Variants in DNAH11 observed in about 807,000 individuals in gnomAD.
DNAH11 encodes dynein axonemal heavy chain 11.
In DNAH11, 442 loss-of-function variants were observed where a neutral mutation model predicts 526.0. That is an observed-to-expected ratio of 0.84 (90% CI 0.78 to 0.91). DNAH11 has a LOEUF of 0.91. Among genes scored for constraint, DNAH11 ranks in the 40% least tolerant of loss-of-function variants. The pLI is 0.00. For synonymous variants in DNAH11, 2,461 were observed against 1,935.9 expected (o/e 1.27, Z -7.12); for missense variants, 6,989 against 5,448.7 (o/e 1.28, Z -8.90).
At chr7:21,661,236 A>G (rs888356136) in intron 30 of DNAH11, among the ~76,000 whole-genome samples, 2 of 152,030 alleles carry the variant, frequency 1.3e-5, no homozygotes, top group Non-Finnish European at 2.9e-5. Context: ...TCTTAATTAG[A>G]TTTACCAACA....
At chr7:21,898,650 C>A (rs1227468870) in intron 79 of DNAH11, among the ~76,000 whole-genome samples, 2 of 152,198 alleles carry the variant, frequency 1.3e-5, no homozygotes. Flanking sequence ...AGAGGTTCAT[C>A]TGTCCCTAGC....
Position 21,600,889 on chromosome 7 carries a change from A to C in DNAH11, c.3214A>C (p.Ile1072Leu). Residue 1072 changes from isoleucine (I) to leucine (L), a missense_variant, in exon 16 of 82, where the codon ATT (isoleucine) becomes CTT (leucine). By Grantham distance (5) the Ile-to-Leu change is conservative. Coordinates refer to ENST00000409508, the MANE Select transcript of DNAH11 (RefSeq NM_001277115.2). ...DEMDAHANEE[I>L]PEQPPTLEQF... ...AATGGATGCTCATGCAAATGAAGAA[A>C]TTCCCGAACAACCACCAACTCTTGA... The C allele has an allele frequency of 6.2e-7, 1 of 1,613,956 alleles. No individual in the cohort carries two copies. Among genetic ancestry groups the C allele is most frequent in the Non-Finnish European group, 8.5e-7 (1 of 1,179,858 alleles).
intron 54 of DNAH11, among the ~76,000 whole-genome samples, chr7:21,763,352 A>AAAG (rs796624886): frequency 0.27 from 30,339 of 112,164 alleles, 5,087 homozygotes; most frequent in East Asian, 0.67. Flanking sequence ...AAAAAAAAAA[A>AAAG]AAAAGAAAAA....
chr7:21,706,908 T>C (rs886270326), intron 39 of DNAH11, among the ~76,000 whole-genome samples: 4 of 152,212 alleles, frequency 2.6e-5, no homozygotes, highest in African/African-American at 9.6e-5. Flanking sequence ...TATTAATTAA[T>C]TGAATAGACA....
Position 21,656,359 on chromosome 7 carries a change from C to T in DNAH11, c.5094+378C>T, listed in dbSNP as rs1264908592. Among the ~76,000 whole-genome samples the T allele has an allele frequency of 2.4e-4, 36 of 152,154 alleles. 1 individual carries two copies. The highest frequency in any genetic ancestry group is 2.4e-3 in the Admixed American group (36 of 15,256). On this transcript the variant is annotated intron_variant, in intron 29 of 81. Transcript: ENST00000409508. ...ACAGAGAAGGGTTATAGTGAAGCAG[C>T]ACCTTGCAATAAAGCTTGTTTTAAA...
At chr7:21,662,401 C>T (rs562123405) in intron 30 of DNAH11, among the ~76,000 whole-genome samples, 1 of 152,202 alleles carries the variant, frequency 6.6e-6, no homozygotes, top group East Asian at 1.9e-4. Context: ...TCCATCAATT[C>T]ATTTTGTGTC....
At chr7:21,854,577 T>A in intron 68 of DNAH11, 122 bp downstream of exon 68, 1 of 1,124,732 alleles carries the variant, frequency 8.9e-7, no homozygotes, top group Non-Finnish European at 1.2e-6. Flanking sequence ...TGAGACAGAG[T>A]CTCACTCTGT....
chr7:21,817,086 A>G (rs1352382575), intron 64 of DNAH11, among the ~76,000 whole-genome samples: 2 of 152,100 alleles, frequency 1.3e-5, no homozygotes, highest in East Asian at 1.9e-4. Context: ...TTCTAAATCT[A>G]TACTCCGCCT....
At chr7:21,781,898 G>A (rs1043237866) in intron 57 of DNAH11, among the ~76,000 whole-genome samples, 1 of 152,182 alleles carries the variant, frequency 6.6e-6, no homozygotes, top group Non-Finnish European at 1.5e-5. Context: ...CTGCCTTCTT[G>A]CTGTATCATC....
At position 21,545,165 on chromosome 7, in the gene DNAH11, T is replaced by TCCTTG. The variant is rs1271742127; in HGVS notation, c.495+16_495+17insCCTTG. On this transcript the variant is annotated intron_variant, in intron 2 of 81. Transcript: ENST00000409508. ...CCTTGATGAGGTACTGGTCTGTCTTTAATATTTAAAGCTTTCACTTATCTC... is the reference window on the plus strand; with the variant it reads ...CCTTGATGAGGTACTGGTCTGTCTTTCCTTGAATATTTAAAGCTTTCACTTATCTC... 6.3e-7 allele frequency: 1 copy of TCCTTG among 1,594,528 alleles called. No homozygotes were observed. Among genetic ancestry groups the TCCTTG allele is most frequent in the Admixed American group, 1.7e-5 (1 of 57,186 alleles).
intron 34 of DNAH11, among the ~76,000 whole-genome samples, chr7:21,689,187 C>A (rs566751519): frequency 3.3e-5 from 5 of 152,246 alleles, no homozygotes; most frequent in Admixed American, 2.6e-4. Context: ...GTTATTTGTT[C>A]TTAGATCTCC....
intron 73 of DNAH11, among the ~76,000 whole-genome samples, chr7:21,871,552 CCCAT>C (rs1783494877): frequency 1.3e-5 from 2 of 152,278 alleles, no homozygotes; most frequent in African/African-American, 4.8e-5. Flanking sequence ...ACTGTTGTAG[CCCAT>C]AAGACAGAGA....
At chr7:21,664,408 C>T (rs961804717) in intron 30 of DNAH11, among the ~76,000 whole-genome samples, 1 of 151,528 alleles carries the variant, frequency 6.6e-6, no homozygotes, top group African/African-American at 2.4e-5. Flanking sequence ...TCTCCCCTCG[C>T]CCCCGCCCCC....
At chr7:21,812,946 C>T (rs1026961095) in intron 63 of DNAH11, among the ~76,000 whole-genome samples, 1 of 152,042 alleles carries the variant, frequency 6.6e-6, no homozygotes, top group Non-Finnish European at 1.5e-5. Context: ...TTGCTTAAGA[C>T]AAGCAGGTAG....
chr7:21,852,553 G>A lies in DNAH11; in HGVS notation c.10983G>A (p.Glu3661=), dbSNP rs374881190. The A allele has an allele frequency of 8.1e-6, 13 of 1,612,772 alleles. No individual in the cohort carries two copies. In the African/African-American group the frequency reaches 1.5e-4, roughly 18 times the overall value. Residue 3661 remains glutamate, a synonymous_variant, in exon 67 of 82, where the codon GAG becomes GAA. Coordinates refer to ENST00000409508, the MANE Select transcript of DNAH11 (RefSeq NM_001277115.2). ...DDLLLRLSAA[E]GSFLDDTKLV... ...TCCTTTTGCGCCTTTCTGCGGCAGA[G>A]GGAAGCTTTCTGGATGACACCAAAC... is the stretch of plus-strand genomic sequence containing the variant.
Position 21,744,899 on chromosome 7 carries a change from G to A in DNAH11, c.8346G>A (p.Gln2782=), listed in dbSNP as rs1466705750. 2 of 1,610,648 alleles carry A rather than the reference G, an allele frequency of 1.2e-6. No homozygotes were observed. The highest frequency in any genetic ancestry group is 4.5e-5 in the East Asian group (2 of 44,796). The change falls in exon 51 of 82, where the codon CAG becomes CAA. Residue 2782 remains glutamine, a synonymous_variant. Coordinates refer to ENST00000409508, the MANE Select transcript of DNAH11 (RefSeq NM_001277115.2). ...TAGATAGTCACATGCTGCTTCAACAGCCCCTCATTTATTGCCACTTTGCTG... is the reference window on the plus strand; with the variant it reads ...TAGATAGTCACATGCTGCTTCAACAACCCCTCATTTATTGCCACTTTGCTG... The part of the protein sequence containing the change: ...EGIDSHMLLQ[Q]PLIYCHFADR...
chr7:21,676,915 G>T (rs1454656274), intron 30 of DNAH11, among the ~76,000 whole-genome samples: 3 of 152,106 alleles, frequency 2.0e-5, no homozygotes, highest in African/African-American at 7.2e-5. Context: ...CATAGGTATG[G>T]GTTGTTATTG....
chr7:21,716,277 G>A (rs1015733492), intron 42 of DNAH11, among the ~76,000 whole-genome samples: 7 of 152,128 alleles, frequency 4.6e-5, no homozygotes, highest in African/African-American at 1.7e-4. Context: ...GGGAGACGGA[G>A]CCGCGATCTA....
In DNAH11 at chr7:21,698,099, C is replaced by T. The variant is rs1375746789; in HGVS notation, c.6066C>T (p.Asp2022=). ...GACCCTGTGCCATGGTGGCCCCTGACATTGAGCTAATCTGTGAAATCTTGT... is the reference window on the plus strand; with the variant it reads ...GACCCTGTGCCATGGTGGCCCCTGATATTGAGCTAATCTGTGAAATCTTGT... ...LFRPCAMVAP[D]IELICEILLV... The change falls in exon 36 of 82, where the codon GAC becomes GAT. Residue 2022 remains aspartate, a synonymous_variant. Coordinates refer to ENST00000409508, the MANE Select transcript of DNAH11 (RefSeq NM_001277115.2). 43 of 1,612,962 alleles carry T rather than the reference C, an allele frequency of 2.7e-5. No homozygotes were observed. The highest frequency in any genetic ancestry group is 5.3e-5 in the African/African-American group (4 of 74,878).
Sources: gnomAD v4.1 joint callset for allele counts (sites outside exome capture counted in the v4.1 genomes callset) on GRCh38, gnomAD v4.1.1 for gene constraint, MANE v1.5 for transcripts, NCBI Gene and HGNC (gene_info 2026-07-23, HGNC 2026-07-21) for gene names.